RXFP1: variants seen among roughly 807,000 people sequenced by gnomAD.
RXFP1 encodes the protein relaxin family peptide receptor 1, also known as relaxin receptor 1.
In RXFP1, 73 loss-of-function variants were observed where a neutral mutation model predicts 89.8. The ratio of observed to expected loss-of-function variants is 0.81; its 90% CI spans 0.67 to 0.99. The LOEUF is 0.99. Ranked by LOEUF, RXFP1 falls within the 50% of genes least tolerant of loss-of-function variation. The pLI, the probability that RXFP1 is intolerant of heterozygous loss-of-function variation, is 0.00. For missense variants in RXFP1, 793 were observed against 895.5 expected (o/e 0.89, Z 1.46); for synonymous variants, 277 against 305.5 (o/e 0.91, Z 0.97).
At chr4:158,533,933 T>C (rs1744671329) in intron 1 of RXFP1, among the ~76,000 whole-genome samples, 1 of 152,244 alleles carries the variant, frequency 6.6e-6, no homozygotes, top group Admixed American at 6.5e-5. Context: ...AAAATATTAT[T>C]CAAAGCGTGA....
intron 3 of RXFP1, among the ~76,000 whole-genome samples, chr4:158,594,316 G>A (rs1012793872): frequency 3.9e-5 from 6 of 152,084 alleles, no homozygotes; most frequent in South Asian, 2.1e-4. Context: ...CAGTGATAAC[G>A]CTGTATAAAA....
At chr4:158,612,725 C>A (rs1413051653) in intron 8 of RXFP1, among the ~76,000 whole-genome samples, 1 of 151,920 alleles carries the variant, frequency 6.6e-6, no homozygotes, top group Non-Finnish European at 1.5e-5. Flanking sequence ...ATTCTCCTGG[C>A]TCAGCCTCCC....
chr4:158,623,692 A>T (rs910737802), intron 9 of RXFP1, among the ~76,000 whole-genome samples: 4 of 152,064 alleles, frequency 2.6e-5, no homozygotes, highest in Non-Finnish European at 5.9e-5. Context: ...AAAATACTAC[A>T]TTCCCACACT....
chr4:158,574,088 C>T (rs999724791), intron 2 of RXFP1, among the ~76,000 whole-genome samples: 1 of 152,094 alleles, frequency 6.6e-6, no homozygotes, highest in Non-Finnish European at 1.5e-5. Context: ...ACTTCTGAAG[C>T]CTTGAAAATA....
intron 1 of RXFP1, among the ~76,000 whole-genome samples, chr4:158,531,935 GTT>G (rs1744153480): frequency 6.6e-6 from 1 of 150,886 alleles, no homozygotes; most frequent in African/African-American, 2.5e-5. Context: ...TTGTTTGTTT[GTT>G]TGTTTGTTTG....
intron 1 of RXFP1, among the ~76,000 whole-genome samples, chr4:158,533,229 T>G (rs1417571038): frequency 1.3e-5 from 2 of 152,232 alleles, no homozygotes; most frequent in Non-Finnish European, 2.9e-5. Flanking sequence ...TTGAAAGCCA[T>G]GACTCTAAAG....
At position 158,542,109 on chromosome 4, in the gene RXFP1, A is replaced by ATTTTTTT. The variant is rs56032847; in HGVS notation, c.49+20088_49+20094dup. 5.3e-3 allele frequency among the ~76,000 whole-genome samples: 188 copies of ATTTTTTT among 35,212 alleles called. 13 individuals carry two copies. Among genetic ancestry groups the ATTTTTTT allele is most frequent in the African/African-American group, 0.015 (160 of 10,772 alleles). 23.1% of individuals were successfully genotyped at this position (35,212 alleles called of 152,430 possible). ...TATATATATATATATATATATATAT[A>ATTTTTTT]TTTTTTTTTTAGTAGAGACAGGGTT... On this transcript the variant is annotated intron_variant, in intron 1 of 17. Transcript: ENST00000307765.
At chr4:158,570,061 G>C (rs1754707152) in intron 1 of RXFP1, among the ~76,000 whole-genome samples, 1 of 152,030 alleles carries the variant, frequency 6.6e-6, no homozygotes, top group African/African-American at 2.4e-5. Context: ...AATTAGCTTG[G>C]ACACTCAAAC....
intron 1 of RXFP1, among the ~76,000 whole-genome samples, chr4:158,548,049 G>T (rs1748992631): frequency 1.3e-5 from 2 of 152,162 alleles, no homozygotes; most frequent in African/African-American, 4.8e-5. Context: ...TGACAGTGGG[G>T]TGTTAAAGTC....
intron 1 of RXFP1, chr4:158,543,723 C>T (rs1747439486): frequency 1.0e-6 from 1 of 975,352 alleles, no homozygotes; most frequent in Non-Finnish European, 1.2e-6. Flanking sequence ...CCTAGTACTT[C>T]CTCCTGAAGA....
At position 158,639,899 on chromosome 4, in the gene RXFP1, G is replaced by A. The variant is rs187354565; in HGVS notation, c.1115+568G>A. Among the ~76,000 whole-genome samples the A allele has an allele frequency of 1.2e-4, 19 of 152,132 alleles. No homozygotes were observed. The East Asian group carries it at 3.3e-3, about 26-fold the overall frequency. On this transcript the variant is annotated intron_variant, in intron 14 of 17. Coordinates refer to ENST00000307765, the MANE Select transcript of RXFP1 (RefSeq NM_021634.4). ...AGAAAAGAAAAGAGACTCTGGAGACGACCCTTGCCCCTCCACCTTGTGAAG... is the reference window on the plus strand; with the variant it reads ...AGAAAAGAAAAGAGACTCTGGAGACAACCCTTGCCCCTCCACCTTGTGAAG...
At chr4:158,612,948 A>G (rs548407692) in intron 8 of RXFP1, among the ~76,000 whole-genome samples, 1 of 152,360 alleles carries the variant, frequency 6.6e-6, no homozygotes, top group African/African-American at 2.4e-5. Context: ...CTGTCTATAC[A>G]GGCAGACCTC....
chr4:158,572,964 T>C lies in RXFP1; in HGVS notation c.187+129T>C, dbSNP rs902736322. 2.0e-5 allele frequency: 26 copies of C among 1,327,234 alleles called. No individual in the cohort carries two copies. In the Admixed American group the frequency reaches 2.4e-4, roughly 12 times the overall value. 82.2% of individuals were successfully genotyped at this position (1,327,234 alleles called of 1,614,324 possible). A position where few individuals can be genotyped will look rare whatever the true frequency, so the allele number is the denominator to read the frequency against. ...ACAAAACATATGTTGCTTAAGGAAA[T>C]CTTACACTTATTTCAGTAGCTTAAA... is the stretch of plus-strand genomic sequence containing the variant. On this transcript the variant is annotated intron_variant, in intron 2 of 17. Transcript: ENST00000307765.
At chr4:158,642,974 C>G (rs1770677277) in intron 14 of RXFP1, among the ~76,000 whole-genome samples, 1 of 152,060 alleles carries the variant, frequency 6.6e-6, no homozygotes, top group African/African-American at 2.4e-5. Context: ...TACATAGGGC[C>G]CAAAAGATTG....
chr4:158,530,119 G>A (rs1019338490), intron 1 of RXFP1, among the ~76,000 whole-genome samples: 2 of 152,118 alleles, frequency 1.3e-5, no homozygotes, highest in African/African-American at 4.8e-5. Flanking sequence ...ACTTTACAGA[G>A]TTTAAATTAA....
At chr4:158,576,896 T>G (rs1756358535) in intron 2 of RXFP1, among the ~76,000 whole-genome samples, 1 of 152,134 alleles carries the variant, frequency 6.6e-6, no homozygotes, top group East Asian at 1.9e-4. Context: ...GATGGAAAAA[T>G]TATGAGATGC....
At chr4:158,585,866 T>C (rs1438179268) in intron 2 of RXFP1, among the ~76,000 whole-genome samples, 3 of 152,218 alleles carry the variant, frequency 2.0e-5, no homozygotes, top group Non-Finnish European at 4.4e-5. Context: ...ACCACCCACA[T>C]TAATCTTATT....
chr4:158,545,186 C>A (rs1747954931), intron 1 of RXFP1, among the ~76,000 whole-genome samples: 1 of 151,814 alleles, frequency 6.6e-6, no homozygotes, highest in African/African-American at 2.4e-5. Context: ...ATTTGCATTT[C>A]TCTGATGGCC....
At chr4:158,568,440 G>A (rs1754274000) in intron 1 of RXFP1, among the ~76,000 whole-genome samples, 1 of 152,212 alleles carries the variant, frequency 6.6e-6, no homozygotes. Context: ...CATCTTCAAA[G>A]TAGCTGTAGC....
Sources: allele counts gnomAD v4.1 joint callset (sites outside exome capture counted in the v4.1 genomes callset), GRCh38; gene constraint gnomAD v4.1.1; transcripts MANE v1.5; gene names NCBI Gene and HGNC (gene_info 2026-07-23, HGNC 2026-07-21).